The following ABHD5 variants were observed in gnomAD, a reference collection of about 807,000 sequenced individuals.
The protein encoded by ABHD5 is 1-acylglycerol-3-phosphate O-acyltransferase ABHD5.
In ABHD5, 30 loss-of-function variants were observed where a neutral mutation model predicts 44.9. That is an observed-to-expected ratio of 0.67 (90% confidence interval 0.50 to 0.91). The LOEUF is 0.91. Ranked by LOEUF, ABHD5 falls within the 40% of genes least tolerant of loss-of-function variation. The pLI is 0.00. For synonymous variants in ABHD5, 167 were observed against 147.0 expected (o/e 1.14, Z -0.99); for missense variants, 399 against 423.4 (o/e 0.94, Z 0.50).
chr3:43,711,416 C>CTT (rs1045427969), intron 3 of ABHD5, among the ~76,000 whole-genome samples: 1 of 152,068 alleles, frequency 6.6e-6, no homozygotes, highest in African/African-American at 2.4e-5. Context: ...AACAAATGCC[C>CTT]TTTTTTCTTT....
chr3:43,696,388 T>A lies in ABHD5; in HGVS notation c.48-2888T>A, dbSNP rs562098505. Among the ~76,000 whole-genome samples the A allele has an allele frequency of 4.8e-4, 73 of 152,346 alleles. 1 individual carries two copies. The highest frequency in any genetic ancestry group is 1.7e-3 in the African/African-American group (70 of 41,584). The stretch of plus-strand genomic sequence containing the variant: ...CTTGAATTTTGTGACCTCAGAAGAA[T>A]GGCAGAATATCTGACAAGCTTCAGT... On this transcript the variant is annotated intron_variant, in intron 1 of 6. Coordinates refer to ENST00000644371, the MANE Select transcript of ABHD5 (RefSeq NM_016006.6).
At chr3:43,709,323 C>T (rs1559415188) in intron 3 of ABHD5, among the ~76,000 whole-genome samples, 1 of 152,146 alleles carries the variant, frequency 6.6e-6, no homozygotes. Context: ...AGATCATCTG[C>T]CTTAGTATAT....
At chr3:43,697,679 G>A (rs1339344930) in intron 1 of ABHD5, among the ~76,000 whole-genome samples, 1 of 152,114 alleles carries the variant, frequency 6.6e-6, no homozygotes, top group Non-Finnish European at 1.5e-5. Flanking sequence ...ATGAAGTACT[G>A]GAAAAAGTAC....
chr3:43,702,552 C>T lies in ABHD5; in HGVS notation c.471C>T (p.Phe157=), dbSNP rs1384670029. 3.7e-6 allele frequency: 6 copies of T among 1,614,204 alleles called. No individual in the cohort carries two copies. The South Asian group carries it at 6.6e-5, about 18-fold the overall frequency. Residue 157 remains phenylalanine, a synonymous_variant, in exon 3 of 7, where the codon TTC becomes TTT. Coordinates refer to ENST00000644371, the MANE Select transcript of ABHD5 (RefSeq NM_016006.6). ...MILLGHNLGG[F]LAAAYSLKYP... ...TGCTTGGGCACAACCTAGGTGGATT[C>T]TTGGCTGCTGCTTACTCGCTGAAGT... is the stretch of plus-strand genomic sequence containing the variant.
chr3:43,698,647 G>T (rs1214838397), intron 1 of ABHD5, among the ~76,000 whole-genome samples: 1 of 152,098 alleles, frequency 6.6e-6, no homozygotes, highest in Non-Finnish European at 1.5e-5. Context: ...GGATGCTTTG[G>T]TCGTTCTGTT....
At chr3:43,716,553 G>A (rs937405671) in intron 5 of ABHD5, among the ~76,000 whole-genome samples, 6 of 152,136 alleles carry the variant, frequency 3.9e-5, no homozygotes, top group African/African-American at 1.2e-4. Flanking sequence ...ATAGGTAGCT[G>A]TAGCCTCAGT....
At chr3:43,694,531 TAAGTA>T (rs2084446314) in intron 1 of ABHD5, among the ~76,000 whole-genome samples, 1 of 152,162 alleles carries the variant, frequency 6.6e-6, no homozygotes. Context: ...ACTGACTTGT[TAAGTA>T]GAGTACACCT....
chr3:43,731,144 A>T (rs1421239333), intron 7 of ABHD5, among the ~76,000 whole-genome samples: 1 of 152,060 alleles, frequency 6.6e-6, no homozygotes, highest in Non-Finnish European at 1.5e-5. Context: ...CATTTTTTTT[A>T]AAGTGAATTT....
At chr3:43,699,234 G>A (rs369798747) in intron 1 of ABHD5, 42 bp from the exon 2 acceptor site, 89 of 1,515,050 alleles carry the variant, frequency 5.9e-5, no homozygotes, top group Non-Finnish European at 7.9e-5. Context: ...GTTGAGAAGA[G>A]CATGAACTCA....
At chr3:43,714,871 A>G in intron 4 of ABHD5, 76 bp from the exon 5 acceptor site, 1 of 1,043,650 alleles carries the variant, frequency 9.6e-7, no homozygotes, top group Non-Finnish European at 1.5e-6. Context: ...GACAAGCACT[A>G]AAACTTTCTA....
chr3:43,709,764 G>T (rs2084664615), intron 3 of ABHD5, among the ~76,000 whole-genome samples: 1 of 152,130 alleles, frequency 6.6e-6, no homozygotes, highest in African/African-American at 2.4e-5. Flanking sequence ...GGAATTTAGG[G>T]CCGGGCACAG....
intron 3 of ABHD5, among the ~76,000 whole-genome samples, chr3:43,705,539 GTTAGT>G (rs781000817): frequency 6.6e-6 from 1 of 152,158 alleles, no homozygotes; most frequent in East Asian, 1.9e-4. Context: ...AACAACTTTA[GTTAGT>G]TTAGAAGTGT....
downstream of ABHD5, among the ~76,000 whole-genome samples, chr3:43,725,955 T>A (rs2084875086): frequency 6.6e-6 from 1 of 151,890 alleles, no homozygotes; most frequent in African/African-American, 2.4e-5. Context: ...AAGCTCCGCC[T>A]CCTGGGTTCA....
In ABHD5 at chr3:43,718,870, C is replaced by CA; in HGVS notation, c.*340dup. ...AACTTTGCTAGTTATTTTTATATTGCAATCTATATTACCAATTTAGGAAGT... is the reference window on the plus strand; with the variant it reads ...AACTTTGCTAGTTATTTTTATATTGCAAATCTATATTACCAATTTAGGAAGT... On this transcript the variant is annotated 3_prime_UTR_variant, in exon 7 of 7. Coordinates refer to ENST00000644371, the MANE Select transcript of ABHD5 (RefSeq NM_016006.6). The CA allele has an allele frequency of 7.2e-6, 2 of 278,806 alleles. No individual in the cohort carries two copies. The highest frequency in any genetic ancestry group is 8.5e-5 in the South Asian group (2 of 23,524). 17.3% of individuals were successfully genotyped at this position (278,806 alleles called of 1,614,324 possible). A position where few individuals can be genotyped will look rare whatever the true frequency, so the allele number is the denominator to read the frequency against.
In ABHD5 at chr3:43,717,698, T is replaced by A; in HGVS notation, c.801T>A (p.Thr267=). 1 of 1,614,246 alleles carries A rather than the reference T, an allele frequency of 6.2e-7. No homozygotes were observed. The change falls in exon 6 of 7, where the codon ACT becomes ACA. Residue 267 remains threonine, a synonymous_variant. Transcript: ENST00000644371. Reference sequence around the variant, plus strand: ...GTGAGACAGCTTTCAAGAATATGACTATTCCTTATGGATGGGCAAAAAGGC... The same window carrying A: ...GTGAGACAGCTTTCAAGAATATGACAATTCCTTATGGATGGGCAAAAAGGC... The part of the protein sequence containing the change: ...PSGETAFKNM[T]IPYGWAKRPM...
At chr3:43,714,636 C>T (rs890132671) in intron 4 of ABHD5, among the ~76,000 whole-genome samples, 7 of 152,122 alleles carry the variant, frequency 4.6e-5, no homozygotes, top group Non-Finnish European at 8.8e-5. Context: ...ACGAGCTACT[C>T]GCCACGTTTA....
chr3:43,699,420 T>G, intron 2 of ABHD5, 59 bp downstream of exon 2: 2 of 1,452,414 alleles, frequency 1.4e-6, no homozygotes, highest in Non-Finnish European at 1.9e-6. Context: ...CCAATATATC[T>G]CATTGCCCTG....
downstream of ABHD5, among the ~76,000 whole-genome samples, chr3:43,726,513 C>G (rs954136740): frequency 7.2e-5 from 11 of 152,294 alleles, no homozygotes; most frequent in Non-Finnish European, 1.6e-4. Context: ...GACAGCTGTC[C>G]TGTCTGTATG....
rs748141630 is a variant in ABHD5 at position 43,690,980 on chromosome 3, C to CGCG, written c.-4_-2dup. 25 of 1,571,390 alleles carry CGCG rather than the reference C, an allele frequency of 1.6e-5. No individual in the cohort carries two copies. Among genetic ancestry groups the CGCG allele is most frequent in the Admixed American group, 7.2e-5 (4 of 55,678 alleles). ...GCTTCGAGATAAGTCCCGGCGCTTG[C>CGCG]GCGGCGGCGGCTATGGCGGCGGAGG... On this transcript the variant is annotated 5_prime_UTR_variant, in exon 1 of 7. Coordinates refer to ENST00000644371, the MANE Select transcript of ABHD5 (RefSeq NM_016006.6).
Sources: gnomAD v4.1 joint callset for allele counts (sites outside exome capture counted in the v4.1 genomes callset) on GRCh38, gnomAD v4.1.1 for gene constraint, MANE v1.5 for transcripts, NCBI Gene and HGNC (gene_info 2026-07-23, HGNC 2026-07-21) for gene names.